Variants in RGS7 observed in about 807,000 individuals in gnomAD.
RGS7 encodes the protein regulator of G protein signaling 7.
Under a neutral mutation model 81.1 loss-of-function variants are expected in RGS7, and 27 were observed. That is an observed-to-expected ratio of 0.33 (90% confidence interval 0.25 to 0.46). The LOEUF is 0.46. Among genes scored for constraint, RGS7 ranks in the 20% least tolerant of loss-of-function variants. RGS7 has a pLI of 1.00. For synonymous variants in RGS7, 208 were observed against 207.7 expected (o/e 1.00, Z -0.01); for missense variants, 396 against 607.4 (o/e 0.65, Z 3.66).
chr1:241,135,222 G>A (rs1005972180), intron 2 of RGS7, among the ~76,000 whole-genome samples: 1 of 152,082 alleles, frequency 6.6e-6, no homozygotes, highest in Admixed American at 6.5e-5. Context: ...GTCAGGAGAT[G>A]GAGACCATCC....
rs1489207500 is a variant in RGS7, at chr1:241,323,810, T to C, written c.78+31889A>G. Among the ~76,000 whole-genome samples, 7 of 152,252 alleles carry C rather than the reference T, an allele frequency of 4.6e-5. 1 individual carries two copies. The East Asian group carries it at 7.7e-4, about 17-fold the overall frequency. On this transcript the variant is annotated intron_variant, in intron 2 of 18. Coordinates refer to ENST00000440928, the MANE Select transcript of RGS7 (RefSeq NM_001364886.1). ...CAACTCCAATTCCACAGAGTCACAA[T>C]GTACCTAAATTATTTGGACAGACAC... is the stretch of plus-strand genomic sequence containing the variant.
chr1:241,337,884 T>G (rs1044184246), intron 2 of RGS7, among the ~76,000 whole-genome samples: 4 of 152,248 alleles, frequency 2.6e-5, no homozygotes, highest in Admixed American at 2.6e-4. Flanking sequence ...GACATTAACA[T>G]GTTCTTATAA....
At chr1:241,103,414 T>C (rs1572704296) in intron 2 of RGS7, among the ~76,000 whole-genome samples, 1 of 152,300 alleles carries the variant, frequency 6.6e-6, no homozygotes, top group South Asian at 2.1e-4. Context: ...AAGGCTATTT[T>C]CTTTACTCTT....
intron 5 of RGS7, among the ~76,000 whole-genome samples, chr1:240,933,489 C>G (rs1445492058): frequency 6.6e-6 from 1 of 151,936 alleles, no homozygotes; most frequent in Non-Finnish European, 1.5e-5. Context: ...TGCCACTAAA[C>G]CAATGTTCTT....
intron 2 of RGS7, among the ~76,000 whole-genome samples, chr1:241,178,528 A>C (rs2071347143): frequency 6.6e-6 from 1 of 152,188 alleles, no homozygotes; most frequent in Non-Finnish European, 1.5e-5. Context: ...GTGAACAGTC[A>C]GCAAGGACCA....
At chr1:241,344,930 A>G (rs2082790261) in intron 2 of RGS7, among the ~76,000 whole-genome samples, 2 of 152,234 alleles carry the variant, frequency 1.3e-5, no homozygotes, top group Admixed American at 1.3e-4. Context: ...AGACAGATGC[A>G]TGCGAATGCT....
At chr1:241,106,825 A>C (rs1162888918) in intron 2 of RGS7, among the ~76,000 whole-genome samples, 1 of 150,140 alleles carries the variant, frequency 6.7e-6, no homozygotes, top group Non-Finnish European at 1.5e-5. Context: ...TTAGAAACTT[A>C]GAAATTTTAT....
rs377207828 is a variant in RGS7, at chr1:241,036,525, ATCTG to A, written c.176-53400_176-53397del. 5.3e-4 allele frequency among the ~76,000 whole-genome samples: 80 copies of A among 152,344 alleles called. 1 individual carries two copies. Among genetic ancestry groups the A allele is most frequent in the African/African-American group, 1.8e-3 (73 of 41,574 alleles). On this transcript the variant is annotated intron_variant, in intron 3 of 18. Transcript: ENST00000440928. ...ATCCAAAATATAGAGCAGCGCCAAG[ATCTG>A]TCTAAGTCCCATGCTTACACAATTA...
intron 2 of RGS7, among the ~76,000 whole-genome samples, chr1:241,326,868 G>A (rs528394322): frequency 1.3e-5 from 2 of 149,124 alleles, no homozygotes; most frequent in East Asian, 4.0e-4. Context: ...TGAGATCATG[G>A]AACAGCTCCC....
At chr1:240,938,465 A>G (rs1677007723) in intron 4 of RGS7, among the ~76,000 whole-genome samples, 1 of 152,166 alleles carries the variant, frequency 6.6e-6, no homozygotes, top group Admixed American at 6.5e-5. Flanking sequence ...TGAGTAACTA[A>G]GTAGCTAGCT....
chr1:241,289,645 T>A (rs2078992596), intron 2 of RGS7, among the ~76,000 whole-genome samples: 1 of 152,158 alleles, frequency 6.6e-6, no homozygotes, highest in Non-Finnish European at 1.5e-5. Flanking sequence ...CAAACAAATA[T>A]TTACAAAGGA....
At chr1:240,992,017 C>G (rs1686526911) in intron 3 of RGS7, among the ~76,000 whole-genome samples, 1 of 152,174 alleles carries the variant, frequency 6.6e-6, no homozygotes, top group African/African-American at 2.4e-5. Flanking sequence ...CCTCATCAAT[C>G]TAGTCCAGAC....
In RGS7 at chr1:241,302,143, G is replaced by GCAGC. The variant is rs923710636; in HGVS notation, c.78+53552_78+53555dup. Among the ~76,000 whole-genome samples, 79 of 152,342 alleles carry GCAGC rather than the reference G, an allele frequency of 5.2e-4. 2 individuals are homozygous for GCAGC. Among genetic ancestry groups the GCAGC allele is most frequent in the African/African-American group, 1.8e-3 (76 of 41,582 alleles). ...GGGGAAAGTATTCTGAGCAGAGACAGCAGCCAGCGTAGAGGCCCTGAGGTG... is the reference window on the plus strand; with the variant it reads ...GGGGAAAGTATTCTGAGCAGAGACAGCAGCCAGCCAGCGTAGAGGCCCTGAGGTG... On this transcript the variant is annotated intron_variant, in intron 2 of 18. Coordinates refer to ENST00000440928, the MANE Select transcript of RGS7 (RefSeq NM_001364886.1).
intron 5 of RGS7, among the ~76,000 whole-genome samples, chr1:240,932,943 G>A (rs1223715865): frequency 3.0e-5 from 4 of 133,718 alleles, no homozygotes; most frequent in East Asian, 2.2e-4. Flanking sequence ...GACTGCAGTG[G>A]CGCGATCTCG....
chr1:241,244,098 T>C (rs1333257022), intron 2 of RGS7, among the ~76,000 whole-genome samples: 1 of 152,170 alleles, frequency 6.6e-6, no homozygotes, highest in Non-Finnish European at 1.5e-5. Context: ...TCCAGGTACA[T>C]ATTATTATTT....
intron 2 of RGS7, among the ~76,000 whole-genome samples, chr1:241,102,838 A>G (rs2064854237): frequency 6.6e-6 from 1 of 152,102 alleles, no homozygotes; most frequent in Admixed American, 6.5e-5. Flanking sequence ...TGGTTGTCAC[A>G]GTCACCAAGT....
At chr1:241,030,264 T>C (rs548918652) in intron 3 of RGS7, among the ~76,000 whole-genome samples, 73 of 151,506 alleles carry the variant, frequency 4.8e-4, no homozygotes, top group South Asian at 4.8e-3. Context: ...TGAGATACAA[T>C]AGGTGCAGCC....
intron 2 of RGS7, among the ~76,000 whole-genome samples, chr1:241,113,055 A>G (rs1471491778): frequency 6.6e-5 from 10 of 152,188 alleles, no homozygotes; most frequent in African/African-American, 2.4e-4. Flanking sequence ...TGAATGGTGG[A>G]CGAATTCATA....
chr1:241,096,280 C>T (rs978424542), intron 3 of RGS7, among the ~76,000 whole-genome samples: 4 of 152,024 alleles, frequency 2.6e-5, no homozygotes, highest in African/African-American at 9.7e-5. Context: ...ATTAACAATC[C>T]CCACAGATTA....
Sources: allele counts gnomAD v4.1 joint callset (sites outside exome capture counted in the v4.1 genomes callset), GRCh38; gene constraint gnomAD v4.1.1; transcripts MANE v1.5; gene names NCBI Gene and HGNC (gene_info 2026-07-23, HGNC 2026-07-21).